NKAIN2: variants seen among roughly 807,000 people sequenced by gnomAD.
NKAIN2 encodes sodium/potassium transporting ATPase interacting 2, also known as sodium/potassium-transporting ATPase subunit beta-1-interacting protein 2.
A neutral mutation model predicts 32.6 loss-of-function variants in NKAIN2; 14 were observed. The observed-to-expected ratio is 0.43, with a 90% confidence interval of 0.28 to 0.67. The LOEUF (loss-of-function observed/expected upper bound fraction) is 0.67, where lower values mean the gene tolerates loss of function less well. NKAIN2 is among the 30% of genes least tolerant of loss of function. The probability of loss-of-function intolerance (pLI) is 0.17; values close to 1 mark genes in which losing one functional copy is unlikely to be tolerated. For synonymous variants in NKAIN2, 80 were observed against 87.2 expected (o/e 0.92, Z 0.46); for missense variants, 198 against 258.3 (o/e 0.77, Z 1.60).
chr6:124,551,935 GA>G (rs1054584888), intron 3 of NKAIN2, among the ~76,000 whole-genome samples: 15 of 152,136 alleles, frequency 9.9e-5, no homozygotes, highest in African/African-American at 2.9e-4. Flanking sequence ...CATTATTCAT[GA>G]GAGTGTTAGT....
chr6:124,110,109 G>T (rs1233885639), intron 1 of NKAIN2, among the ~76,000 whole-genome samples: 2 of 150,504 alleles, frequency 1.3e-5, no homozygotes, highest in African/African-American at 2.4e-5. Context: ...CCAGCCTCAA[G>T]AATTGAGTTT....
intron 3 of NKAIN2, among the ~76,000 whole-genome samples, chr6:124,631,633 G>GTGAC (rs1334419329): frequency 6.6e-6 from 1 of 152,052 alleles, no homozygotes; most frequent in Admixed American, 6.6e-5. Context: ...CTAATGCTTG[G>GTGAC]TGACTGGTCT....
At chr6:124,753,760 T>C (rs1416671501) in intron 4 of NKAIN2, among the ~76,000 whole-genome samples, 1 of 151,946 alleles carries the variant, frequency 6.6e-6, no homozygotes, top group African/African-American at 2.4e-5. Context: ...GCTGGAATTG[T>C]TTATTGTTGC....
At chr6:124,074,795 G>T (rs1168974671) in intron 1 of NKAIN2, among the ~76,000 whole-genome samples, 1 of 152,074 alleles carries the variant, frequency 6.6e-6, no homozygotes, top group Admixed American at 6.6e-5. Flanking sequence ...GTTTTATGTT[G>T]CTTTCTGCTA....
intron 1 of NKAIN2, among the ~76,000 whole-genome samples, chr6:123,824,562 G>C (rs1467998219): frequency 1.3e-5 from 2 of 151,858 alleles, no homozygotes; most frequent in Non-Finnish European, 2.9e-5. Context: ...AGTTGGAGTA[G>C]TTTACAGTTT....
At chr6:124,778,933 A>AT (rs1429413769) in intron 4 of NKAIN2, among the ~76,000 whole-genome samples, 1 of 151,978 alleles carries the variant, frequency 6.6e-6, no homozygotes, top group Non-Finnish European at 1.5e-5. Context: ...GAATTAATAT[A>AT]TTTTTTGCTT....
At chr6:124,351,542 A>C (rs1007757854) in intron 2 of NKAIN2, among the ~76,000 whole-genome samples, 1 of 151,586 alleles carries the variant, frequency 6.6e-6, no homozygotes, top group African/African-American at 2.4e-5. Context: ...AGAAGAAATC[A>C]TGTGGGAAGT....
chr6:124,165,640 A>G (rs1486701595), intron 1 of NKAIN2, among the ~76,000 whole-genome samples: 2 of 148,584 alleles, frequency 1.3e-5, no homozygotes, highest in African/African-American at 5.0e-5. Flanking sequence ...AGCATTAGGT[A>G]TATCTCCTAA....
At chr6:124,379,552 A>G (rs1772531125) in intron 3 of NKAIN2, among the ~76,000 whole-genome samples, 1 of 152,278 alleles carries the variant, frequency 6.6e-6, no homozygotes, top group East Asian at 1.9e-4. Flanking sequence ...ATATGCAGTA[A>G]GAATAATGGC....
At chr6:123,862,855 A>G (rs1274857650) in intron 1 of NKAIN2, among the ~76,000 whole-genome samples, 1 of 152,136 alleles carries the variant, frequency 6.6e-6, no homozygotes, top group Non-Finnish European at 1.5e-5. Flanking sequence ...TCAGTCATGT[A>G]TCTGTCATTT....
chr6:123,932,330 A>T (rs530493927), intron 1 of NKAIN2, among the ~76,000 whole-genome samples: 19 of 151,692 alleles, frequency 1.3e-4, no homozygotes, highest in Non-Finnish European at 2.6e-4. Context: ...GTCAATGAAG[A>T]ATTACTCTTC....
chr6:124,550,554 G>A (rs1327126258), intron 3 of NKAIN2, among the ~76,000 whole-genome samples: 1 of 152,110 alleles, frequency 6.6e-6, no homozygotes, highest in African/African-American at 2.4e-5. Context: ...CCCCTGGTGT[G>A]CTCGTTACTA....
At chr6:124,604,204 G>A (rs1010045904) in intron 3 of NKAIN2, among the ~76,000 whole-genome samples, 2 of 151,866 alleles carry the variant, frequency 1.3e-5, no homozygotes, top group African/African-American at 4.8e-5. Flanking sequence ...CTACAAACAC[G>A]AAATTTCAAC....
At chr6:124,572,798 C>G (rs962335000) in intron 3 of NKAIN2, among the ~76,000 whole-genome samples, 2 of 151,942 alleles carry the variant, frequency 1.3e-5, no homozygotes, top group African/African-American at 4.8e-5. Context: ...ATATTTCATA[C>G]AATTTAATTC....
chr6:124,614,606 A>C (rs1421087006), intron 3 of NKAIN2, among the ~76,000 whole-genome samples: 2 of 152,116 alleles, frequency 1.3e-5, no homozygotes, highest in Admixed American at 1.3e-4. Context: ...TCTCTGAAAC[A>C]CAGCTCTTCC....
At chr6:124,515,097 G>C (rs1214763075) in intron 3 of NKAIN2, among the ~76,000 whole-genome samples, 1 of 152,110 alleles carries the variant, frequency 6.6e-6, no homozygotes, top group East Asian at 1.9e-4. Context: ...AGATATTTCA[G>C]AGAGACTGCA....
chr6:124,646,397 A>G lies in NKAIN2; in HGVS notation c.274-11789A>G, dbSNP rs192730217. Among the ~76,000 whole-genome samples the G allele has an allele frequency of 2.0e-5, 3 of 152,300 alleles. No individual in the cohort carries two copies. The East Asian group carries it at 5.8e-4, about 29-fold the overall frequency. On this transcript the variant is annotated intron_variant, in intron 3 of 6. Transcript: ENST00000368417. ...AAATATGAACAGTGGGAAAGAAAAG[A>G]TAAGAAGGTGAGAGATCAGTCCTGG... is the stretch of plus-strand genomic sequence containing the variant.
chr6:124,303,756 A>G (rs1195544276), intron 2 of NKAIN2, among the ~76,000 whole-genome samples: 1 of 152,226 alleles, frequency 6.6e-6, no homozygotes, highest in Non-Finnish European at 1.5e-5. Context: ...AAAGGGGAGA[A>G]GCACCTGAGT....
intron 3 of NKAIN2, among the ~76,000 whole-genome samples, chr6:124,587,284 G>A (rs1305320198): frequency 6.6e-6 from 1 of 151,950 alleles, no homozygotes; most frequent in East Asian, 1.9e-4. Context: ...AGGCTGGAGT[G>A]CAGGGTGCTA....
Sources: allele counts gnomAD v4.1 joint callset (sites outside exome capture counted in the v4.1 genomes callset), GRCh38; gene constraint gnomAD v4.1.1; transcripts MANE v1.5; gene names NCBI Gene and HGNC (gene_info 2026-07-23, HGNC 2026-07-21).